SLC41A2: variants seen among roughly 807,000 people sequenced by gnomAD.
SLC41A2 encodes SLC41A1-like 1.
Under a neutral mutation model 58.3 loss-of-function variants are expected in SLC41A2, and 32 were observed. The ratio of observed to expected loss-of-function variants is 0.55; its 90% CI spans 0.41 to 0.74. The LOEUF (loss-of-function observed/expected upper bound fraction) is 0.74. Ranked by LOEUF, SLC41A2 falls within the 30% of genes least tolerant of loss-of-function variation. The pLI is 0.00. For missense variants in SLC41A2, 514 were observed against 680.6 expected (o/e 0.76, Z 2.72); for synonymous variants, 190 against 235.0 (o/e 0.81, Z 1.75).
intron 8 of SLC41A2, among the ~76,000 whole-genome samples, chr12:104,856,598 G>T (rs369708673): frequency 1.2e-3 from 180 of 152,250 alleles, no homozygotes; most frequent in Non-Finnish European, 2.0e-3. Context: ...AAAGATGTAA[G>T]AGAGGAAGAC....
chr12:104,861,193 G>C, intron 8 of SLC41A2, 98 bp downstream of exon 8: 1 of 786,800 alleles, frequency 1.3e-6, no homozygotes, highest in South Asian at 2.4e-5. Context: ...TGGGAGGACA[G>C]ACCTCTTGAA....
chr12:104,882,393 G>T (rs978654727), intron 6 of SLC41A2, among the ~76,000 whole-genome samples: 2 of 152,104 alleles, frequency 1.3e-5, no homozygotes, highest in Non-Finnish European at 2.9e-5. Context: ...CCCATTAATT[G>T]ATGCAGTTTC....
intron 8 of SLC41A2, among the ~76,000 whole-genome samples, chr12:104,852,892 A>G (rs945463427): frequency 5.9e-5 from 9 of 152,188 alleles, no homozygotes; most frequent in African/African-American, 2.2e-4. Flanking sequence ...GTTTCTACTA[A>G]AAGCTAGTCT....
chr12:104,928,376 T>C lies in SLC41A2; in HGVS notation c.152A>G (p.Gln51Arg). Reference sequence around the variant, plus strand: ...TTTGTGCCTGTCTTCTTGGTTTTTCTGGTAAATCACTGGAACCATACTCAA... The same window carrying C: ...TTTGTGCCTGTCTTCTTGGTTTTTCCGGTAAATCACTGGAACCATACTCAA... ...LLLSMVPVIY[Q>R]KNQEDRHKKA... The change falls in exon 2 of 11, where the codon CAG becomes CGG. Residue 51 changes from glutamine to arginine, a missense_variant. Around this residue, in one of 3 missense-constraint regions of SLC41A2, gnomAD observed 336 missense variants for 430.0 expected, o/e 0.78. Transcript: ENST00000258538. The C allele has an allele frequency of 3.1e-6, 5 of 1,592,600 alleles. No homozygotes were observed. Among genetic ancestry groups the C allele is most frequent in the Non-Finnish European group, 4.3e-6 (5 of 1,167,730 alleles).
intron 3 of SLC41A2, among the ~76,000 whole-genome samples, chr12:104,899,776 A>G (rs2045471784): frequency 6.6e-6 from 1 of 152,138 alleles, no homozygotes; most frequent in Non-Finnish European, 1.5e-5. Context: ...CTGCCACTAT[A>G]GCTATGCATA....
chr12:104,829,809 A>G (rs973062652), intron 10 of SLC41A2, among the ~76,000 whole-genome samples: 2 of 139,554 alleles, frequency 1.4e-5, no homozygotes, highest in African/African-American at 5.6e-5. Flanking sequence ...TCAACATTTA[A>G]AAAATCAAAG....
intron 10 of SLC41A2, among the ~76,000 whole-genome samples, chr12:104,806,270 T>A (rs925252677): frequency 6.6e-6 from 1 of 151,938 alleles, no homozygotes; most frequent in Non-Finnish European, 1.5e-5. Flanking sequence ...CGTGTCCATG[T>A]GTTCTCATTG....
chr12:104,940,282 G>A (rs887780371), intron 1 of SLC41A2, among the ~76,000 whole-genome samples: 1 of 151,304 alleles, frequency 6.6e-6, no homozygotes, highest in African/African-American at 2.4e-5. Flanking sequence ...AAAGTGCTAG[G>A]ATTACAGAAG....
At chr12:104,930,884 T>C (rs184017479) in intron 1 of SLC41A2, among the ~76,000 whole-genome samples, 34 of 152,366 alleles carry the variant, frequency 2.2e-4, no homozygotes, top group Admixed American at 6.5e-4. Context: ...TAGTCAACAC[T>C]GAACTGGCCA....
chr12:104,911,653 C>A (rs1205531253), intron 2 of SLC41A2, among the ~76,000 whole-genome samples: 1 of 152,152 alleles, frequency 6.6e-6, no homozygotes, highest in Non-Finnish European at 1.5e-5. Flanking sequence ...TGTTCCCAAA[C>A]TTTCCCTAGG....
intron 4 of SLC41A2, among the ~76,000 whole-genome samples, chr12:104,893,837 G>T (rs915332367): frequency 6.6e-6 from 1 of 152,150 alleles, no homozygotes; most frequent in African/African-American, 2.4e-5. Context: ...GAAAGTAGAA[G>T]GATGGTTGCT....
At chr12:104,895,156 G>T in intron 4 of SLC41A2, 118 bp downstream of exon 4, 2 of 621,090 alleles carry the variant, frequency 3.2e-6, no homozygotes, top group South Asian at 2.3e-5. Context: ...TTATTGTTTT[G>T]GTGTTTCTGA....
chr12:104,887,682 C>T (rs180938316), intron 5 of SLC41A2, among the ~76,000 whole-genome samples: 77 of 151,976 alleles, frequency 5.1e-4, no homozygotes, highest in African/African-American at 1.7e-3. Flanking sequence ...CACATAGTAC[C>T]ATCTATATCT....
intron 6 of SLC41A2, among the ~76,000 whole-genome samples, chr12:104,877,529 T>C (rs1413676852): frequency 6.6e-6 from 1 of 152,202 alleles, no homozygotes; most frequent in Admixed American, 6.5e-5. Flanking sequence ...AATAATATTA[T>C]TTTTCAAAAT....
intron 10 of SLC41A2, among the ~76,000 whole-genome samples, chr12:104,811,510 T>G (rs1000430935): frequency 6.6e-6 from 1 of 152,174 alleles, no homozygotes; most frequent in African/African-American, 2.4e-5. Flanking sequence ...AGATGCCAAT[T>G]TAGAATGCTG....
intron 1 of SLC41A2, among the ~76,000 whole-genome samples, chr12:104,935,311 A>C (rs1205238561): frequency 6.6e-6 from 1 of 151,946 alleles, no homozygotes; most frequent in Non-Finnish European, 1.5e-5. Context: ...CACAGTTAAT[A>C]ATGTATTCTA....
At chr12:104,865,781 T>G (rs370047937) in intron 7 of SLC41A2, among the ~76,000 whole-genome samples, 5 of 152,214 alleles carry the variant, frequency 3.3e-5, no homozygotes, top group South Asian at 4.1e-4. Context: ...TCTCATCAGA[T>G]GTATCATAAA....
At chr12:104,839,846 G>A (rs893913497) in intron 10 of SLC41A2, among the ~76,000 whole-genome samples, 1 of 152,128 alleles carries the variant, frequency 6.6e-6, no homozygotes, top group Non-Finnish European at 1.5e-5. Context: ...GCCTCTTATA[G>A]GATGTGTCAT....
chr12:104,828,258 G>T (rs2136270477), intron 10 of SLC41A2, among the ~76,000 whole-genome samples: 1 of 152,302 alleles, frequency 6.6e-6, no homozygotes, highest in East Asian at 1.9e-4. Context: ...GGAGAGCCCA[G>T]GCTGCTGAGT....
Sources: gnomAD v4.1 joint callset for allele counts (sites outside exome capture counted in the v4.1 genomes callset) on GRCh38, gnomAD v4.1.1 for gene constraint, gnomAD v4.1.1 regional missense constraint, MANE v1.5 for transcripts, NCBI Gene and HGNC (gene_info 2026-07-23, HGNC 2026-07-21) for gene names.